Variants in DCC observed in about 807,000 individuals in gnomAD.
DCC encodes the protein DCC netrin 1 receptor.
DCC carries 58 observed loss-of-function variants against 172.5 expected under a neutral mutation model. The ratio of observed to expected loss-of-function variants is 0.34; its 90% CI spans 0.27 to 0.42. The LOEUF (loss-of-function observed/expected upper bound fraction) is 0.42, where lower values mean the gene tolerates loss of function less well. Ranked by LOEUF, DCC falls within the 10% of genes least tolerant of loss-of-function variation. The probability of loss-of-function intolerance (pLI) is 1.00; values close to 1 mark genes in which losing one functional copy is unlikely to be tolerated. For missense variants in DCC, 1,740 were observed against 1,791.0 expected, an observed-to-expected ratio of 0.97 and a Z score of 0.51; for synonymous variants, 709 against 644.5, an observed-to-expected ratio of 1.10 and a Z score of -1.52.
At chr18:52,461,733 C>T (rs56264956) in intron 1 of DCC, among the ~76,000 whole-genome samples, 31,756 of 152,180 alleles carry the variant, frequency 0.21, 4,213 homozygotes, top group Non-Finnish European at 0.29. Context: ...CAGGACTCAG[C>T]CTTGGACCTC....
At chr18:53,108,035 A>G (rs2043275983) in intron 7 of DCC, among the ~76,000 whole-genome samples, 1 of 151,830 alleles carries the variant, frequency 6.6e-6, no homozygotes, top group Admixed American at 6.6e-5. Context: ...ACTTTAATCC[A>G]AGAGTAAAAC....
At chr18:52,608,825 G>A (rs1207380841) in intron 1 of DCC, among the ~76,000 whole-genome samples, 1 of 152,140 alleles carries the variant, frequency 6.6e-6, no homozygotes, top group Non-Finnish European at 1.5e-5. Flanking sequence ...CTAGGAGAGT[G>A]GGATGTAAAA....
At chr18:53,127,766 C>T (rs1444585220) in intron 7 of DCC, among the ~76,000 whole-genome samples, 3 of 152,128 alleles carry the variant, frequency 2.0e-5, no homozygotes, top group Non-Finnish European at 4.4e-5. Flanking sequence ...AGAGTCAGCT[C>T]ACAAGCTGCA....
intron 1 of DCC, among the ~76,000 whole-genome samples, chr18:52,410,551 C>T (rs1405980839): frequency 6.6e-6 from 1 of 152,146 alleles, no homozygotes; most frequent in Admixed American, 6.5e-5. Flanking sequence ...TGGTTGCTGT[C>T]ATTCCTATTA....
intron 7 of DCC, among the ~76,000 whole-genome samples, chr18:53,117,152 T>C (rs910909464): frequency 6.6e-6 from 1 of 151,780 alleles, no homozygotes; most frequent in Non-Finnish European, 1.5e-5. Flanking sequence ...CCATCCTTTA[T>C]TAAAATTTGC....
intron 5 of DCC, among the ~76,000 whole-genome samples, chr18:52,961,043 T>TA (rs578132564): frequency 0.013 from 2,046 of 152,266 alleles, 61 homozygotes; most frequent in African/African-American, 0.047. Flanking sequence ...TAACGATTTT[T>TA]AAAAACTCTA....
intron 27 of DCC, among the ~76,000 whole-genome samples, chr18:53,524,175 A>G (rs1051466282): frequency 6.6e-6 from 1 of 152,072 alleles, no homozygotes; most frequent in African/African-American, 2.4e-5. Context: ...AGTAATACAT[A>G]TGTTAAATAG....
intron 1 of DCC, among the ~76,000 whole-genome samples, chr18:52,517,810 T>G (rs1268167867): frequency 6.6e-6 from 1 of 152,198 alleles, no homozygotes; most frequent in East Asian, 1.9e-4. Flanking sequence ...AAATTAATGC[T>G]TATTTGGGGG....
chr18:53,164,118 C>A (rs906701533), intron 8 of DCC, among the ~76,000 whole-genome samples: 1 of 152,128 alleles, frequency 6.6e-6, no homozygotes, highest in East Asian at 1.9e-4. Context: ...ACTAAATGTT[C>A]TTGATATTTA....
Position 53,360,932 on chromosome 18 carries a change from C to T in DCC, c.2359+21025C>T, listed in dbSNP as rs11663173. Among the ~76,000 whole-genome samples the T allele has an allele frequency of 7.7e-3, 1,178 of 152,184 alleles. 9 individuals are homozygous for T. Among genetic ancestry groups the T allele is most frequent in the Non-Finnish European group, 0.012 (818 of 67,998 alleles). ...CTGGTTTGAAGGGGAGCCTCTAAGA[C>T]GGTATGTGCATGTTCTAACCTCCAG... On this transcript the variant is annotated intron_variant, in intron 15 of 28. Coordinates refer to ENST00000442544, the MANE Select transcript of DCC (RefSeq NM_005215.4).
chr18:52,966,491 C>CA (rs1435371091), intron 5 of DCC, among the ~76,000 whole-genome samples: 1 of 152,152 alleles, frequency 6.6e-6, no homozygotes, highest in Non-Finnish European at 1.5e-5. Context: ...GAGACTGACA[C>CA]AGGCTCTTGG....
intron 12 of DCC, among the ~76,000 whole-genome samples, chr18:53,215,860 G>A (rs66706659): frequency 0.14 from 20,570 of 152,098 alleles, 2,254 homozygotes; most frequent in African/African-American, 0.3. Flanking sequence ...TGTTTTAGTG[G>A]CCAAAGGCTA....
chr18:53,270,685 A>T (rs930579088), intron 12 of DCC, among the ~76,000 whole-genome samples: 8 of 152,124 alleles, frequency 5.3e-5, no homozygotes, highest in African/African-American at 1.9e-4. Flanking sequence ...TCGATACCAT[A>T]TGGCACATTG....
At chr18:53,124,643 G>C (rs1388345812) in intron 7 of DCC, among the ~76,000 whole-genome samples, 1 of 152,014 alleles carries the variant, frequency 6.6e-6, no homozygotes, top group Non-Finnish European at 1.5e-5. Context: ...TCAGTGATCA[G>C]ATATTCAATC....
chr18:52,780,361 C>A (rs1156453143), intron 2 of DCC, among the ~76,000 whole-genome samples: 3 of 151,724 alleles, frequency 2.0e-5, no homozygotes, highest in Non-Finnish European at 4.4e-5. Context: ...ATTATTAATT[C>A]CAGTTTTTAG....
At chr18:52,477,080 CT>C (rs1233544462) in intron 1 of DCC, among the ~76,000 whole-genome samples, 1 of 152,146 alleles carries the variant, frequency 6.6e-6, no homozygotes, top group Non-Finnish European at 1.5e-5. Context: ...CATCCTCTGG[CT>C]GCTCCCTCTG....
Position 52,704,746 on chromosome 18 carries a change from T to C in DCC, c.92-47308T>C, listed in dbSNP as rs376713460. 8.5e-5 allele frequency among the ~76,000 whole-genome samples: 13 copies of C among 152,364 alleles called. No individual in the cohort carries two copies. In the South Asian group the frequency reaches 1.7e-3, roughly 19 times the overall value. The stretch of plus-strand genomic sequence containing the variant: ...GCACTTAAGGTTCCCTCTTATTCTC[T>C]GGATTCAGATGGCTCCAGTGGGCGT... On this transcript the variant is annotated intron_variant, in intron 1 of 28. Transcript: ENST00000442544.
chr18:52,348,474 ATATGC>A (rs1983976116), intron 1 of DCC, among the ~76,000 whole-genome samples: 3 of 152,144 alleles, frequency 2.0e-5, no homozygotes, highest in Non-Finnish European at 4.4e-5. Flanking sequence ...TGGTATTTTC[ATATGC>A]TTAATTTGCC....
intron 1 of DCC, among the ~76,000 whole-genome samples, chr18:52,373,096 T>TA (rs905320715): frequency 1.2e-4 from 18 of 152,172 alleles, no homozygotes; most frequent in African/African-American, 3.9e-4. Flanking sequence ...ACAGATTTTT[T>TA]AAAAAAATGT....
Sources: gnomAD v4.1 joint callset for allele counts (sites outside exome capture counted in the v4.1 genomes callset) on GRCh38, gnomAD v4.1.1 for gene constraint, MANE v1.5 for transcripts, NCBI Gene and HGNC (gene_info 2026-07-23, HGNC 2026-07-21) for gene names.